NEGR1: variants seen among roughly 807,000 people sequenced by gnomAD.
NEGR1 encodes the protein neuronal growth regulator 1.
A neutral mutation model predicts 40.9 loss-of-function variants in NEGR1; 10 were observed. The observed-to-expected ratio is 0.24, with a 90% CI of 0.15 to 0.42. The LOEUF is 0.42. Ranked by LOEUF, NEGR1 falls within the 10% of genes least tolerant of loss-of-function variation. The pLI, the probability that NEGR1 is intolerant of heterozygous loss-of-function variation, is 1.00. For synonymous variants in NEGR1, 185 were observed against 166.8 expected (o/e 1.11, Z -0.84); for missense variants, 352 against 438.9 (o/e 0.80, Z 1.77).
At chr1:71,871,656 G>T (rs1372787525) in intron 2 of NEGR1, among the ~76,000 whole-genome samples, 1 of 152,162 alleles carries the variant, frequency 6.6e-6, no homozygotes, top group African/African-American at 2.4e-5. Flanking sequence ...ATCTGCACTA[G>T]ACAAATTGAT....
intron 1 of NEGR1, among the ~76,000 whole-genome samples, chr1:71,956,585 C>A (rs1180635815): frequency 6.6e-6 from 1 of 151,908 alleles, no homozygotes; most frequent in Admixed American, 6.6e-5. Flanking sequence ...AGGTGAGAAA[C>A]AAAAATCAAT....
chr1:71,591,306 T>C (rs990198344), intron 6 of NEGR1, among the ~76,000 whole-genome samples: 1 of 152,192 alleles, frequency 6.6e-6, no homozygotes, highest in African/African-American at 2.4e-5. Context: ...TCCAGACATT[T>C]GTGTTAAGAT....
At chr1:71,817,663 G>C (rs989829910) in intron 2 of NEGR1, among the ~76,000 whole-genome samples, 1 of 151,986 alleles carries the variant, frequency 6.6e-6, no homozygotes, top group African/African-American at 2.4e-5. Flanking sequence ...ACTGCACCTG[G>C]CAAAAAGTGG....
chr1:72,148,009 G>A lies in NEGR1; in HGVS notation c.176+134310C>T, dbSNP rs566354225. 6.6e-5 allele frequency among the ~76,000 whole-genome samples: 10 copies of A among 152,154 alleles called. 1 individual carries two copies. In the East Asian group the frequency reaches 1.7e-3, roughly 27 times the overall value. Reference sequence around the variant, plus strand: ...GCATTGAGTGTCTGTGGCTTTTCCAGGTGCATGGTGCAAGCTGTTGGTAGA... The same window carrying A: ...GCATTGAGTGTCTGTGGCTTTTCCAAGTGCATGGTGCAAGCTGTTGGTAGA... On this transcript the variant is annotated intron_variant, in intron 1 of 6. Coordinates refer to ENST00000357731, the MANE Select transcript of NEGR1 (RefSeq NM_173808.3).
At chr1:71,419,245 C>T (rs1440618060) in intron 6 of NEGR1, among the ~76,000 whole-genome samples, 1 of 152,268 alleles carries the variant, frequency 6.6e-6, no homozygotes, top group East Asian at 1.9e-4. Context: ...CAGAGAAAGA[C>T]AATAAGCTTG....
intron 6 of NEGR1, among the ~76,000 whole-genome samples, chr1:71,484,228 C>A (rs1029258486): frequency 6.6e-6 from 1 of 151,526 alleles, no homozygotes; most frequent in South Asian, 2.1e-4. Flanking sequence ...TACATTCAGG[C>A]ACATGAATAA....
intron 1 of NEGR1, among the ~76,000 whole-genome samples, chr1:72,004,690 G>C (rs564375086): frequency 6.6e-6 from 1 of 151,912 alleles, no homozygotes. Flanking sequence ...AACATCCTTG[G>C]TATGGCAAAA....
At chr1:71,811,427 T>C (rs539408177) in intron 2 of NEGR1, among the ~76,000 whole-genome samples, 4 of 152,044 alleles carry the variant, frequency 2.6e-5, no homozygotes, top group Non-Finnish European at 5.9e-5. Context: ...TCAGATCCAA[T>C]GTCACCTCCT....
At chr1:72,029,036 C>T (rs1646835703) in intron 1 of NEGR1, among the ~76,000 whole-genome samples, 1 of 152,056 alleles carries the variant, frequency 6.6e-6, no homozygotes. Context: ...CATAATGGGT[C>T]AAATGACTGG....
At chr1:71,859,112 T>C (rs1659866514) in intron 2 of NEGR1, among the ~76,000 whole-genome samples, 1 of 152,028 alleles carries the variant, frequency 6.6e-6, no homozygotes, top group Non-Finnish European at 1.5e-5. Flanking sequence ...AGAATACAAA[T>C]CAAAAACTTC....
chr1:71,656,622 G>A (rs550538341), intron 4 of NEGR1, among the ~76,000 whole-genome samples: 3 of 152,048 alleles, frequency 2.0e-5, no homozygotes, highest in Admixed American at 6.5e-5. Context: ...CCGTGGTCTC[G>A]ATCTCCTGAC....
At chr1:71,999,038 G>T (rs964487598) in intron 1 of NEGR1, among the ~76,000 whole-genome samples, 1 of 151,900 alleles carries the variant, frequency 6.6e-6, no homozygotes, top group Non-Finnish European at 1.5e-5. Context: ...ATGATTGAAT[G>T]AATTGGCTTC....
chr1:71,832,053 C>T (rs1449659839), intron 2 of NEGR1, among the ~76,000 whole-genome samples: 2 of 151,704 alleles, frequency 1.3e-5, no homozygotes, highest in East Asian at 2.0e-4. Flanking sequence ...GGTAGAGACT[C>T]GAGTGAGAAA....
chr1:72,236,626 T>C (rs1335334117), intron 1 of NEGR1, among the ~76,000 whole-genome samples: 2 of 151,976 alleles, frequency 1.3e-5, no homozygotes, highest in Non-Finnish European at 2.9e-5. Context: ...GGGCTATTTC[T>C]TATTGTAAAG....
chr1:72,105,296 G>T (rs1649093503), intron 1 of NEGR1, among the ~76,000 whole-genome samples: 1 of 152,054 alleles, frequency 6.6e-6, no homozygotes, highest in Admixed American at 6.6e-5. Context: ...ATTTTTAAGA[G>T]ATGTTTCTTC....
intron 2 of NEGR1, among the ~76,000 whole-genome samples, chr1:71,841,221 T>C (rs1207360179): frequency 6.6e-6 from 1 of 152,164 alleles, no homozygotes; most frequent in Admixed American, 6.5e-5. Flanking sequence ...AAAACATGAA[T>C]GTCTTCTCAA....
At chr1:71,626,999 G>T (rs1206215922) in intron 4 of NEGR1, among the ~76,000 whole-genome samples, 1 of 152,118 alleles carries the variant, frequency 6.6e-6, no homozygotes, top group African/African-American at 2.4e-5. Flanking sequence ...GGAAACAACA[G>T]GTGCTGGAGA....
intron 1 of NEGR1, among the ~76,000 whole-genome samples, chr1:71,986,942 C>A (rs1445080858): frequency 6.6e-6 from 1 of 152,140 alleles, no homozygotes; most frequent in Non-Finnish European, 1.5e-5. Flanking sequence ...TAATAATCTA[C>A]AAAAGTGAAA....
chr1:72,278,817 A>G (rs997453890), intron 1 of NEGR1, among the ~76,000 whole-genome samples: 1 of 152,196 alleles, frequency 6.6e-6, no homozygotes, highest in African/African-American at 2.4e-5. Flanking sequence ...TATTAAATGT[A>G]GTAGCAATTA....
Sources: allele counts gnomAD v4.1 joint callset (sites outside exome capture counted in the v4.1 genomes callset), GRCh38; gene constraint gnomAD v4.1.1; transcripts MANE v1.5; gene names NCBI Gene and HGNC (gene_info 2026-07-23, HGNC 2026-07-21).